HSD17B12: variants seen among roughly 807,000 people sequenced by gnomAD.
HSD17B12 encodes very-long-chain 3-oxoacyl-CoA reductase.
In HSD17B12, 32 loss-of-function variants were observed where a neutral mutation model predicts 39.3. The ratio of observed to expected loss-of-function variants is 0.81; its 90% CI spans 0.61 to 1.09. The LOEUF (loss-of-function observed/expected upper bound fraction) is 1.09. HSD17B12 is among the 50% of genes least tolerant of loss of function. The probability of loss-of-function intolerance (pLI) is 0.00; values close to 1 mark genes in which losing one functional copy is unlikely to be tolerated. For missense variants in HSD17B12, 342 were observed against 382.9 expected (o/e 0.89, Z 0.89); for synonymous variants, 150 against 146.7 (o/e 1.02, Z -0.16).
chr11:43,788,204 A>G (rs1856373463), intron 3 of HSD17B12, among the ~76,000 whole-genome samples: 1 of 152,182 alleles, frequency 6.6e-6, no homozygotes, highest in African/African-American at 2.4e-5. Context: ...GCTCTGGCCC[A>G]AATCTTCTTG....
At chr11:43,805,984 AG>A (rs1444819213) in intron 4 of HSD17B12, among the ~76,000 whole-genome samples, 5 of 152,226 alleles carry the variant, frequency 3.3e-5, no homozygotes, top group Non-Finnish European at 5.9e-5. Context: ...GATGGATAAA[AG>A]TCAGGATTAG....
chr11:43,744,413 A>T (rs1950395702), intron 1 of HSD17B12, among the ~76,000 whole-genome samples: 5 of 152,218 alleles, frequency 3.3e-5, no homozygotes, highest in Admixed American at 3.3e-4. Flanking sequence ...GAAACATTTT[A>T]AAATGATACT....
At chr11:43,727,490 CT>C (rs11354125) in intron 1 of HSD17B12, among the ~76,000 whole-genome samples, 116,080 of 146,760 alleles carry the variant, frequency 0.79, 45,920 homozygotes, top group East Asian at 0.86. Flanking sequence ...GAATATAAGG[CT>C]TTTTTTTTTT....
chr11:43,759,577 C>T (rs1206548554), intron 3 of HSD17B12, among the ~76,000 whole-genome samples: 1 of 152,128 alleles, frequency 6.6e-6, no homozygotes, highest in African/African-American at 2.4e-5. Flanking sequence ...ATTTTTTTAA[C>T]ACTGAGCTGA....
At chr11:43,734,099 T>A in intron 1 of HSD17B12, 1 of 1,139,048 alleles carries the variant, frequency 8.8e-7, no homozygotes, top group Non-Finnish European at 1.3e-6. Context: ...AGGACTATGA[T>A]GAGCGTGTGC....
chr11:43,752,503 C>G (rs554646441), intron 2 of HSD17B12, among the ~76,000 whole-genome samples: 1 of 152,036 alleles, frequency 6.6e-6, no homozygotes. Context: ...CACCTGAGGT[C>G]AGGAGTTCAA....
chr11:43,781,314 A>G (rs1950763297), intron 3 of HSD17B12, among the ~76,000 whole-genome samples: 1 of 152,212 alleles, frequency 6.6e-6, no homozygotes, highest in African/African-American at 2.4e-5. Context: ...ATGCTATGAA[A>G]TCATTAAAAA....
the HSD17B12 span, among the ~76,000 whole-genome samples, chr11:43,597,274 A>T: frequency 1.3e-5 from 2 of 152,172 alleles, no homozygotes; most frequent in Non-Finnish European, 1.5e-5. Context: ...AATTAAGGGT[A>T]TGTCTGGCTA....
intron 1 of HSD17B12, among the ~76,000 whole-genome samples, chr11:43,705,963 A>C (rs1414263900): frequency 6.6e-6 from 1 of 151,788 alleles, no homozygotes; most frequent in Non-Finnish European, 1.5e-5. Flanking sequence ...GGGTTTCACT[A>C]TATTGCCTAG....
chr11:43,808,848 G>A (rs1006639631), intron 4 of HSD17B12, among the ~76,000 whole-genome samples: 2 of 152,208 alleles, frequency 1.3e-5, no homozygotes, highest in Non-Finnish European at 2.9e-5. Flanking sequence ...GTTTTACATG[G>A]TGTTCCAAAT....
At chr11:43,820,228 A>G (rs921991977) in intron 6 of HSD17B12, among the ~76,000 whole-genome samples, 4 of 152,172 alleles carry the variant, frequency 2.6e-5, no homozygotes, top group Non-Finnish European at 5.9e-5. Context: ...AAAGCCTTCA[A>G]GTAGATGTAA....
chr11:43,678,414 C>A (rs1310429166), upstream of HSD17B12, among the ~76,000 whole-genome samples: 1 of 152,138 alleles, frequency 6.6e-6, no homozygotes, highest in Non-Finnish European at 1.5e-5. Flanking sequence ...GTTTCTTTTG[C>A]TGTGCAGAAG....
the HSD17B12 span, among the ~76,000 whole-genome samples, chr11:43,583,687 G>GT: frequency 6.6e-6 from 1 of 151,760 alleles, no homozygotes; most frequent in Admixed American, 6.6e-5. Flanking sequence ...AAGTGGGGGG[G>GT]GGTGCCTCTA....
the HSD17B12 span, among the ~76,000 whole-genome samples, chr11:43,571,985 T>C: frequency 6.6e-6 from 1 of 152,198 alleles, no homozygotes; most frequent in South Asian, 2.1e-4. Context: ...TAATCAGAGA[T>C]GCTAGTTTCT....
chr11:43,561,829 G>A, the HSD17B12 span, among the ~76,000 whole-genome samples: 12 of 152,296 alleles, frequency 7.9e-5, no homozygotes, highest in Admixed American at 1.3e-4. Flanking sequence ...TTAGTGGACT[G>A]GAAGACCAAT....
chr11:43,676,032 A>G (rs529780914), upstream of HSD17B12, among the ~76,000 whole-genome samples: 1 of 152,224 alleles, frequency 6.6e-6, no homozygotes, highest in Non-Finnish European at 1.5e-5. Context: ...GAATCACTTG[A>G]ACCTGGGAGG....
chr11:43,619,196 A>ATATT, the HSD17B12 span, among the ~76,000 whole-genome samples: 1 of 66,322 alleles, frequency 1.5e-5, no homozygotes, highest in African/African-American at 5.9e-5. Flanking sequence ...ATATATATAT[A>ATATT]TGATATATAT....
At chr11:43,610,531 C>T in the HSD17B12 span, among the ~76,000 whole-genome samples, 1 of 152,276 alleles carries the variant, frequency 6.6e-6, no homozygotes, top group East Asian at 1.9e-4. Context: ...CAAACTCTGG[C>T]TCTGACACCA....
chr11:43,588,547 A>G, the HSD17B12 span, among the ~76,000 whole-genome samples: 1 of 151,918 alleles, frequency 6.6e-6, no homozygotes, highest in East Asian at 1.9e-4. Context: ...GGATTAAATG[A>G]GATTATGCAT....
Sources: allele counts gnomAD v4.1 joint callset (sites outside exome capture counted in the v4.1 genomes callset), GRCh38; gene constraint gnomAD v4.1.1; transcripts MANE v1.5; gene names NCBI Gene and HGNC (gene_info 2026-07-23, HGNC 2026-07-21).